CNTN4: variants seen among roughly 807,000 people sequenced by gnomAD.
CNTN4 encodes the protein contactin 4, also known as contactin-4.
A neutral mutation model predicts 122.5 loss-of-function variants in CNTN4; 77 were observed. That is an observed-to-expected ratio of 0.63 (90% CI 0.52 to 0.76). The LOEUF is 0.76. CNTN4 is among the 30% of genes least tolerant of loss of function. CNTN4 has a pLI of 0.00. For missense variants in CNTN4, 1,256 were observed against 1,259.1 expected, an observed-to-expected ratio of 1.00 and a Z score of 0.04; for synonymous variants, 512 against 447.0, an observed-to-expected ratio of 1.15 and a Z score of -1.83.
intron 3 of CNTN4, among the ~76,000 whole-genome samples, chr3:2,557,253 C>T (rs966190194): frequency 2.0e-5 from 3 of 152,136 alleles, no homozygotes; most frequent in Non-Finnish European, 2.9e-5. Flanking sequence ...GAAAAAGACA[C>T]AAACAAAGCA....
chr3:2,307,095 T>A (rs558900208), intron 2 of CNTN4, among the ~76,000 whole-genome samples: 1 of 152,178 alleles, frequency 6.6e-6, no homozygotes, highest in South Asian at 2.1e-4. Flanking sequence ...TTTTATTTTA[T>A]TTTATTTTTC....
chr3:2,971,384 T>A (rs879299236), intron 13 of CNTN4, among the ~76,000 whole-genome samples: 2 of 152,102 alleles, frequency 1.3e-5, no homozygotes, highest in Non-Finnish European at 2.9e-5. Flanking sequence ...ATATATATAT[T>A]TGGCCTTTCT....
intron 2 of CNTN4, among the ~76,000 whole-genome samples, chr3:2,129,821 A>G (rs2034366250): frequency 6.6e-6 from 1 of 151,992 alleles, no homozygotes; most frequent in Admixed American, 6.6e-5. Context: ...GTATATATAT[A>G]AATGGTTATA....
intron 13 of CNTN4, among the ~76,000 whole-genome samples, chr3:2,981,274 C>A (rs1693958053): frequency 1.3e-5 from 2 of 152,026 alleles, no homozygotes; most frequent in African/African-American, 4.8e-5. Context: ...GAAACCCCGT[C>A]TCTACTAAAA....
intron 2 of CNTN4, among the ~76,000 whole-genome samples, chr3:2,169,828 G>A (rs969769180): frequency 6.6e-6 from 1 of 151,994 alleles, no homozygotes; most frequent in Non-Finnish European, 1.5e-5. Context: ...AGTCAACAAT[G>A]CTCTGAAGAT....
intron 6 of CNTN4, among the ~76,000 whole-genome samples, chr3:2,758,495 G>A (rs954319226): frequency 2.0e-5 from 3 of 148,602 alleles, no homozygotes. Flanking sequence ...TGAAGGTGTT[G>A]CCTCTTACTT....
At chr3:2,682,812 G>C (rs191307096) in intron 4 of CNTN4, among the ~76,000 whole-genome samples, 37 of 152,140 alleles carry the variant, frequency 2.4e-4, no homozygotes, top group African/African-American at 8.2e-4. Context: ...GCTATTATTA[G>C]TCATCACTTA....
intron 3 of CNTN4, among the ~76,000 whole-genome samples, chr3:2,466,920 T>C (rs960879579): frequency 6.6e-6 from 1 of 151,716 alleles, no homozygotes; most frequent in Non-Finnish European, 1.5e-5. Context: ...AAGACCTTAA[T>C]CTTCATTTCT....
intron 3 of CNTN4, among the ~76,000 whole-genome samples, chr3:2,382,742 G>T (rs1011898076): frequency 6.6e-6 from 1 of 152,108 alleles, no homozygotes; most frequent in Admixed American, 6.5e-5. Flanking sequence ...TACAGGAAGG[G>T]TAGCATTGTC....
intron 4 of CNTN4, among the ~76,000 whole-genome samples, chr3:2,603,800 T>G (rs775293216): frequency 6.6e-6 from 1 of 152,230 alleles, no homozygotes. Flanking sequence ...TCAGCTCTTC[T>G]GCTTAATAGC....
intron 4 of CNTN4, among the ~76,000 whole-genome samples, chr3:2,667,188 C>G (rs2084218662): frequency 6.6e-6 from 1 of 152,160 alleles, no homozygotes; most frequent in South Asian, 2.1e-4. Flanking sequence ...AATGGTTGAA[C>G]TAGTTTACAG....
chr3:2,407,224 G>C (rs2047070071), intron 3 of CNTN4, among the ~76,000 whole-genome samples: 1 of 152,062 alleles, frequency 6.6e-6, no homozygotes, highest in African/African-American at 2.4e-5. Flanking sequence ...TGGAGAGAAG[G>C]TTCATAAAAG....
chr3:2,424,064 C>T (rs2047718896), intron 3 of CNTN4, among the ~76,000 whole-genome samples: 1 of 150,230 alleles, frequency 6.7e-6, no homozygotes, highest in Admixed American at 6.7e-5. Flanking sequence ...AGTTTAGCTT[C>T]TTTTTTTAAA....
chr3:2,780,281 G>T (rs1015814608), intron 6 of CNTN4, among the ~76,000 whole-genome samples: 1 of 152,152 alleles, frequency 6.6e-6, no homozygotes, highest in Non-Finnish European at 1.5e-5. Context: ...GAGACATTTA[G>T]TGTTTGACTG....
intron 3 of CNTN4, among the ~76,000 whole-genome samples, chr3:2,437,547 G>A (rs1380551298): frequency 1.3e-5 from 2 of 151,874 alleles, no homozygotes; most frequent in African/African-American, 4.8e-5. Flanking sequence ...AAAAGCAATT[G>A]AAAAAAGAAA....
At chr3:2,822,022 CAA>C (rs1458198055) in intron 7 of CNTN4, among the ~76,000 whole-genome samples, 2 of 152,178 alleles carry the variant, frequency 1.3e-5, no homozygotes, top group African/African-American at 4.8e-5. Flanking sequence ...GCATGTACTT[CAA>C]GCATCCTGAA....
At chr3:2,312,444 A>G (rs543466198) in intron 2 of CNTN4, among the ~76,000 whole-genome samples, 1 of 152,242 alleles carries the variant, frequency 6.6e-6, no homozygotes, top group South Asian at 2.1e-4. Flanking sequence ...TTGGACTATC[A>G]CTAAGCAAAT....
chr3:2,231,679 A>C (rs959351338), intron 2 of CNTN4, among the ~76,000 whole-genome samples: 4 of 152,218 alleles, frequency 2.6e-5, no homozygotes, highest in Admixed American at 2.6e-4. Context: ...GTTAAAGTCA[A>C]ATAAAAGCAC....
chr3:2,936,558 A>ACCAGCTGTCTC lies in CNTN4; in HGVS notation c.1358+10780_1358+10790dup, dbSNP rs1271752915. 6.1e-4 allele frequency among the ~76,000 whole-genome samples: 93 copies of ACCAGCTGTCTC among 152,228 alleles called. 1 individual carries two copies. Among genetic ancestry groups the ACCAGCTGTCTC allele is most frequent in the Admixed American group, 2.0e-4 (3 of 15,290 alleles). On this transcript the variant is annotated intron_variant, in intron 13 of 24. Coordinates refer to ENST00000418658, the MANE Select transcript of CNTN4 (RefSeq NM_175607.3). ...CTACTCAGGCTCCTGCCTGCTGTCT[A>ACCAGCTGTCTC]CCAGCTGTCTCACTTCACTCACCTT...
Sources: allele counts gnomAD v4.1 joint callset (sites outside exome capture counted in the v4.1 genomes callset), GRCh38; gene constraint gnomAD v4.1.1; transcripts MANE v1.5; gene names NCBI Gene and HGNC (gene_info 2026-07-23, HGNC 2026-07-21).